HEATR4: variants seen among roughly 807,000 people sequenced by gnomAD.
HEATR4 encodes HEAT repeat-containing protein 4.
In HEATR4, 95 loss-of-function variants were observed where a neutral mutation model predicts 108.8. The observed-to-expected ratio is 0.87, with a 90% CI of 0.74 to 1.04. The LOEUF is 1.04. Among genes scored for constraint, HEATR4 ranks in the 50% least tolerant of loss-of-function variants. HEATR4 has a pLI of 0.00. For synonymous variants in HEATR4, 443 were observed against 459.4 expected, an observed-to-expected ratio of 0.96 and a Z score of 0.46; for missense variants, 1,152 against 1,253.8, an observed-to-expected ratio of 0.92 and a Z score of 1.23.
At chr14:73,619,145 G>A in the HEATR4 span, 3 of 1,463,522 alleles carry the variant, frequency 2.0e-6, no homozygotes, top group East Asian at 7.0e-5. Context: ...AGAAAAAAAA[G>A]AGAAAGCTAC....
intron 10 of HEATR4, among the ~76,000 whole-genome samples, chr14:73,504,566 C>T (rs1886689789): frequency 6.6e-6 from 1 of 152,096 alleles, no homozygotes; most frequent in African/African-American, 2.4e-5. Flanking sequence ...TAATAATGCT[C>T]CTAGGTGACG....
intron 5 of HEATR4, chr14:73,517,321 G>A (rs1433328828): frequency 6.6e-6 from 1 of 152,154 alleles, no homozygotes; most frequent in Non-Finnish European, 1.5e-5. Flanking sequence ...TCATCAAATT[G>A]TATGGTTTAA....
intron 4 of HEATR4, among the ~76,000 whole-genome samples, chr14:73,519,373 A>G (rs923178190): frequency 2.6e-5 from 4 of 152,086 alleles, no homozygotes; most frequent in African/African-American, 9.7e-5. Flanking sequence ...TGTGGGGGAA[A>G]AAAAAAAGAA....
At chr14:73,570,808 G>A in the HEATR4 span, among the ~76,000 whole-genome samples, 6 of 150,654 alleles carry the variant, frequency 4.0e-5, no homozygotes, top group Admixed American at 1.3e-4. Flanking sequence ...AGGAGGTTGA[G>A]GCAGGAGAAT....
At chr14:73,524,293 CAAAAA>C (rs1160344592) in intron 2 of HEATR4, among the ~76,000 whole-genome samples, 6 of 56,658 alleles carry the variant, frequency 1.1e-4, no homozygotes, top group East Asian at 9.4e-4. Context: ...AACTCCGTCT[CAAAAA>C]AAAAAAAAAA....
At chr14:73,568,521 T>C in the HEATR4 span, among the ~76,000 whole-genome samples, 2 of 151,774 alleles carry the variant, frequency 1.3e-5, 1 homozygote, top group Non-Finnish European at 2.9e-5. Context: ...GATGGTAAAC[T>C]GCCGCTGTAC....
intron 10 of HEATR4, among the ~76,000 whole-genome samples, chr14:73,504,158 A>G (rs994190659): frequency 5.4e-5 from 8 of 149,024 alleles, no homozygotes; most frequent in Non-Finnish European, 1.2e-4. Flanking sequence ...GCTCACTGCA[A>G]CCTCCGCCTC....
Position 73,522,511 on chromosome 14 carries a change from T to C in HEATR4, c.642A>G (p.Thr214=). ...GACGCTTGCTCTGGATCCATCGGGC[T>C]GTGCGCTCGTTCAGCTTTTCCAGCA... ...ATVLEKLNER[T]ARWIQSKRPR... Residue 214 remains threonine, a synonymous_variant, in exon 3 of 18, where the codon ACA becomes ACG. Coordinates refer to ENST00000553558, the MANE Select transcript of HEATR4 (RefSeq NM_001220484.1). 1 of 1,614,236 alleles carries C rather than the reference T, an allele frequency of 6.2e-7. No homozygotes were observed.
At chr14:73,625,877 C>T in the HEATR4 span, among the ~76,000 whole-genome samples, 1 of 152,186 alleles carries the variant, frequency 6.6e-6, no homozygotes, top group Non-Finnish European at 1.5e-5. Context: ...CAGTTAATAA[C>T]CCTACAATGG....
the HEATR4 span, chr14:73,616,735 GT>G: frequency 3.1e-6 from 1 of 324,454 alleles, no homozygotes; most frequent in East Asian, 4.9e-5. Flanking sequence ...TGGTGTACAG[GT>G]GGTTTGGGGT....
At chr14:73,588,336 T>C in the HEATR4 span, among the ~76,000 whole-genome samples, 1 of 152,218 alleles carries the variant, frequency 6.6e-6, no homozygotes, top group South Asian at 2.1e-4. Flanking sequence ...TTTCCTGCCC[T>C]AGATTTCAAA....
the HEATR4 span, chr14:73,569,772 C>T: frequency 1.9e-6 from 3 of 1,607,338 alleles, no homozygotes; most frequent in African/African-American, 4.0e-5. Context: ...CGACCCCGAC[C>T]CCGGGCGGCT....
In HEATR4 at chr14:73,523,017, C is replaced by T. The variant is rs565877307; in HGVS notation, c.136G>A (p.Val46Met). The change falls in exon 3 of 18, where the codon GTG (valine) becomes ATG (methionine). Residue 46 changes from valine to methionine, a missense_variant. Coordinates refer to ENST00000553558, the MANE Select transcript of HEATR4 (RefSeq NM_001220484.1). ...GKEECASVSS[V>M]PMVFFSSQYR... Reference sequence around the variant, plus strand: ...TGTGAGCTGAAGAAGACCATAGGCACACTGGAGACAGAGGCACACTCCTCC... The same window carrying T: ...TGTGAGCTGAAGAAGACCATAGGCATACTGGAGACAGAGGCACACTCCTCC... 1.2e-6 allele frequency: 2 copies of T among 1,613,980 alleles called. No individual in the cohort carries two copies. The highest frequency in any genetic ancestry group is 2.2e-5 in the East Asian group (1 of 44,856).
At chr14:73,564,885 C>T in the HEATR4 span, among the ~76,000 whole-genome samples, 295 of 151,736 alleles carry the variant, frequency 1.9e-3, 1 homozygote, top group African/African-American at 7.0e-3. Flanking sequence ...TGTATTGTTT[C>T]AGTAGTCTTT....
chr14:73,573,502 A>T, the HEATR4 span: 4 of 1,613,610 alleles, frequency 2.5e-6, no homozygotes, highest in Non-Finnish European at 3.4e-6. Flanking sequence ...CTGGCTTATT[A>T]TAACTATGAA....
chr14:73,552,628 C>G (rs1376087332), intron 1 of HEATR4, among the ~76,000 whole-genome samples: 2 of 107,950 alleles, frequency 1.9e-5, no homozygotes, highest in Non-Finnish European at 3.7e-5. Context: ...CCACAATCCC[C>G]TGTGCCGACA....
At chr14:73,527,537 GC>G (rs1200626358) in intron 2 of HEATR4, 1 of 116,014 alleles carries the variant, frequency 8.6e-6, no homozygotes, top group Non-Finnish European at 1.9e-5. Flanking sequence ...TAATAAACTT[GC>G]TTTCACTTCG....
At chr14:73,508,826 C>T (rs1179399374) in intron 8 of HEATR4, among the ~76,000 whole-genome samples, 1 of 150,650 alleles carries the variant, frequency 6.6e-6, no homozygotes, top group African/African-American at 2.4e-5. Flanking sequence ...TGTTAAAGTA[C>T]CTAGAAAGAG....
At chr14:73,617,040 C>T in the HEATR4 span, 1 of 1,066,158 alleles carries the variant, frequency 9.4e-7, no homozygotes, top group Non-Finnish European at 1.5e-6. Context: ...CAGCAGGGGC[C>T]TTTGTGAATA....
Sources: gnomAD v4.1 joint callset for allele counts (sites outside exome capture counted in the v4.1 genomes callset) on GRCh38, gnomAD v4.1.1 for gene constraint, MANE v1.5 for transcripts, NCBI Gene and HGNC (gene_info 2026-07-23, HGNC 2026-07-21) for gene names.